The following TFCP2L1 variants were observed in gnomAD, a reference collection of about 807,000 sequenced individuals.
TFCP2L1 encodes transcription factor CP2 like 1.
Under a neutral mutation model 72.2 loss-of-function variants are expected in TFCP2L1, and 12 were observed. That is an observed-to-expected ratio of 0.17 (90% CI 0.11 to 0.27). The LOEUF (loss-of-function observed/expected upper bound fraction) is 0.27. Among genes scored for constraint, TFCP2L1 ranks in the 10% least tolerant of loss-of-function variants. The pLI is 1.00. For synonymous variants in TFCP2L1, 260 were observed against 251.0 expected, an observed-to-expected ratio of 1.04 and a Z score of -0.34; for missense variants, 488 against 624.6, an observed-to-expected ratio of 0.78 and a Z score of 2.33.
At chr2:121,251,210 T>C (rs4434010) in intron 2 of TFCP2L1, among the ~76,000 whole-genome samples, 7,264 of 151,768 alleles carry the variant, frequency 0.048, 243 homozygotes, top group East Asian at 0.13. Flanking sequence ...GGGCCAAGAT[T>C]GTGCCACTGC....
chr2:121,239,714 T>C, intron 7 of TFCP2L1, 65 bp from the exon 8 acceptor site: 3 of 1,493,004 alleles, frequency 2.0e-6, no homozygotes, highest in Non-Finnish European at 2.7e-6. Flanking sequence ...CCCCAGGTCC[T>C]CCCAAGCAGG....
At chr2:121,280,769 G>GAA (rs557121688) in intron 2 of TFCP2L1, among the ~76,000 whole-genome samples, 11 of 23,972 alleles carry the variant, frequency 4.6e-4, no homozygotes, top group East Asian at 1.4e-3. Context: ...CTCAAAAAAG[G>GAA]AAAAAAAAAA....
chr2:121,259,582 T>C (rs541751787), intron 2 of TFCP2L1, among the ~76,000 whole-genome samples: 1 of 152,270 alleles, frequency 6.6e-6, no homozygotes, highest in East Asian at 1.9e-4. Flanking sequence ...TACTTTGAAT[T>C]AGAAGTTAAA....
At position 121,235,410 on chromosome 2, in the gene TFCP2L1, T is replaced by C. The variant is rs183129561; in HGVS notation, c.1004-99A>G. On this transcript the variant is annotated intron_variant, in intron 10 of 14. Coordinates refer to ENST00000263707, the MANE Select transcript of TFCP2L1 (RefSeq NM_014553.3). ...ACCCCATAGCACTGGGGGTGGGGGGTGGGGAAGAGCCAGCTGCACTATCTC... is the reference window on the plus strand; with the variant it reads ...ACCCCATAGCACTGGGGGTGGGGGGCGGGGAAGAGCCAGCTGCACTATCTC... 20 of 997,308 alleles carry C rather than the reference T, an allele frequency of 2.0e-5. No homozygotes were observed. The East Asian group carries it at 5.4e-4, about 27-fold the overall frequency. 61.8% of individuals were successfully genotyped at this position (997,308 alleles called of 1,614,324 possible). A position where few individuals can be genotyped will look rare whatever the true frequency, so the allele number is the denominator to read the frequency against.
chr2:121,249,142 C>T, intron 3 of TFCP2L1, 55 bp from the exon 4 acceptor site: 1 of 1,331,060 alleles, frequency 7.5e-7, no homozygotes, highest in Non-Finnish European at 1.0e-6. Flanking sequence ...AAGAGGAACC[C>T]ACCTCTTTTC....
intron 2 of TFCP2L1, among the ~76,000 whole-genome samples, chr2:121,278,640 T>C (rs1175697321): frequency 7.1e-6 from 1 of 139,962 alleles, no homozygotes; most frequent in African/African-American, 2.7e-5. Flanking sequence ...GAGCCGAGCC[T>C]GCACCACTGC....
intron 2 of TFCP2L1, among the ~76,000 whole-genome samples, chr2:121,274,111 A>C (rs556772524): frequency 1.3e-5 from 2 of 148,604 alleles, no homozygotes; most frequent in Admixed American, 1.3e-4. Flanking sequence ...AAAAAAAAAG[A>C]AAAAAAAAAC....
chr2:121,245,564 C>G (rs1459434972), intron 6 of TFCP2L1, among the ~76,000 whole-genome samples: 1 of 152,206 alleles, frequency 6.6e-6, no homozygotes, highest in Admixed American at 6.5e-5. Context: ...ACCAAGGCGT[C>G]CCAAACCACG....
intron 2 of TFCP2L1, among the ~76,000 whole-genome samples, chr2:121,253,357 G>A (rs1296622829): frequency 1.3e-5 from 2 of 152,196 alleles, no homozygotes; most frequent in Non-Finnish European, 2.9e-5. Context: ...AAAAGGTCTT[G>A]CTTCCCTATT....
chr2:121,270,410 G>A (rs1352263085), intron 2 of TFCP2L1, among the ~76,000 whole-genome samples: 1 of 152,162 alleles, frequency 6.6e-6, no homozygotes, highest in African/African-American at 2.4e-5. Flanking sequence ...CAACTTCACT[G>A]GAAGGCAATC....
intron 2 of TFCP2L1, among the ~76,000 whole-genome samples, chr2:121,266,566 G>A (rs993483743): frequency 2.0e-5 from 3 of 152,198 alleles, no homozygotes; most frequent in Non-Finnish European, 4.4e-5. Flanking sequence ...GGCAGTTGCA[G>A]TCACCTGGGA....
intron 2 of TFCP2L1, among the ~76,000 whole-genome samples, chr2:121,256,537 G>A (rs1173877384): frequency 6.6e-6 from 1 of 152,104 alleles, no homozygotes; most frequent in Non-Finnish European, 1.5e-5. Flanking sequence ...CAGCACTTTG[G>A]GAGGCCGAGG....
Position 121,222,558 on chromosome 2 carries a change from A to G in TFCP2L1, c.*1783T>C, listed in dbSNP as rs1685945719. On this transcript the variant is annotated 3_prime_UTR_variant, in exon 15 of 15. Transcript: ENST00000263707. ...AAGCCAGTCACAAAAGAGATATCAC[A>G]TGATTCCAGATATATGAAATGTCCA... 2 of 152,230 alleles carry G rather than the reference A, an allele frequency of 1.3e-5. No individual in the cohort carries two copies. Among genetic ancestry groups the G allele is most frequent in the African/African-American group, 2.4e-5 (1 of 41,448 alleles). 9.4% of individuals were successfully genotyped at this position (152,230 alleles called of 1,614,324 possible).
chr2:121,232,704 G>A (rs888617293), intron 12 of TFCP2L1, among the ~76,000 whole-genome samples: 1 of 152,188 alleles, frequency 6.6e-6, no homozygotes, highest in Non-Finnish European at 1.5e-5. Context: ...ACAACAGAAA[G>A]GAGAAGGCCT....
rs889131027 is a variant in TFCP2L1 at position 121,239,955 on chromosome 2, CGA to C, written c.769-308_769-307del. 42 of 795,108 alleles carry C rather than the reference CGA, an allele frequency of 5.3e-5. No homozygotes were observed. In the African/African-American group the frequency reaches 6.8e-4, roughly 13 times the overall value. 49.3% of individuals were successfully genotyped at this position (795,108 alleles called of 1,614,324 possible). Reference sequence around the variant, plus strand: ...CACAGTCATGTGATTCTTGGGTCCACGAGAGAGAAAAAACGAAACCAGCCAGT... The same window carrying C: ...CACAGTCATGTGATTCTTGGGTCCACGAGAGAAAAAACGAAACCAGCCAGT... On this transcript the variant is annotated intron_variant, in intron 7 of 14. Transcript: ENST00000263707.
intron 1 of TFCP2L1, among the ~76,000 whole-genome samples, chr2:121,281,659 T>C (rs1425869808): frequency 1.3e-5 from 2 of 152,192 alleles, no homozygotes; most frequent in Non-Finnish European, 2.9e-5. Flanking sequence ...ACTTTTAGAA[T>C]AAAAATCTAA....
chr2:121,234,894 C>T (rs1686212443), intron 11 of TFCP2L1, among the ~76,000 whole-genome samples: 1 of 152,206 alleles, frequency 6.6e-6, no homozygotes, highest in Non-Finnish European at 1.5e-5. Context: ...CAGCTCCGAG[C>T]CCAGGACCAC....
In TFCP2L1 at chr2:121,219,917, C is replaced by G. The variant is rs1456237876; in HGVS notation, c.*4424G>C. The stretch of plus-strand genomic sequence containing the variant: ...GAGAGGCAAAGAGACTCATACTGAG[C>G]GAGGGTCTGGGATCTAGGACCCTGA... On this transcript the variant is annotated 3_prime_UTR_variant, in exon 15 of 15. Transcript: ENST00000263707. 6.6e-6 allele frequency: 1 copy of G among 152,134 alleles called. No homozygotes were observed. Among genetic ancestry groups the G allele is most frequent in the Non-Finnish European group, 1.5e-5 (1 of 68,030 alleles). 9.4% of individuals were successfully genotyped at this position (152,134 alleles called of 1,614,324 possible). A position where few individuals can be genotyped will look rare whatever the true frequency, so the allele number is the denominator to read the frequency against.
chr2:121,239,951 T>C (rs1686332405), intron 7 of TFCP2L1: 1 of 751,342 alleles, frequency 1.3e-6, no homozygotes, highest in South Asian at 6.0e-5. Context: ...GATTCTTGGG[T>C]CCACGAGAGA....
Sources: allele counts gnomAD v4.1 joint callset (sites outside exome capture counted in the v4.1 genomes callset), GRCh38; gene constraint gnomAD v4.1.1; transcripts MANE v1.5; gene names NCBI Gene and HGNC (gene_info 2026-07-23, HGNC 2026-07-21).